The following PRR5 variants were observed in gnomAD, a reference collection of about 807,000 sequenced individuals.
The protein encoded by PRR5 is proline-rich protein 5.
In PRR5, 25 loss-of-function variants were observed where a neutral mutation model predicts 30.6. The ratio of observed to expected loss-of-function variants is 0.82; its 90% CI spans 0.60 to 1.14. PRR5 has a LOEUF of 1.14. Among genes scored for constraint, PRR5 ranks in the 50% most tolerant of loss-of-function variants. The pLI, the probability that PRR5 is intolerant of heterozygous loss-of-function variation, is 0.00. For synonymous variants in PRR5, 286 were observed against 247.1 expected (o/e 1.16, Z -1.48); for missense variants, 600 against 547.1 (o/e 1.10, Z -0.96).
upstream of PRR5, among the ~76,000 whole-genome samples, chr22:44,699,973 T>C (rs1187418978): frequency 1.3e-5 from 2 of 152,050 alleles, no homozygotes; most frequent in African/African-American, 4.8e-5. Flanking sequence ...AATCCTTGTC[T>C]GGCCATGAAA....
intron 1 of PRR5, among the ~76,000 whole-genome samples, chr22:44,670,297 T>C (rs1008709095): frequency 6.6e-5 from 10 of 152,204 alleles, no homozygotes; most frequent in African/African-American, 2.4e-4. Flanking sequence ...GGACCTTTCC[T>C]GCCAAACAGT....
At chr22:44,702,673 C>T (rs1234100848) in intron 1 of PRR5, 65 bp downstream of exon 1, 89 of 1,245,096 alleles carry the variant, frequency 7.1e-5, no homozygotes, top group Non-Finnish European at 8.9e-5. Context: ...CCTGAGCCGT[C>T]CGCGGGCTAG....
intron 1 of PRR5, chr22:44,679,773 G>T (rs770422766): frequency 6.4e-7 from 1 of 1,569,750 alleles, no homozygotes; most frequent in South Asian, 1.2e-5. Context: ...AGTCTGATGG[G>T]GCAGGCTGGT....
intron 5 of PRR5, 37 bp from the exon 6 acceptor site, chr22:44,732,214 A>G: frequency 6.2e-7 from 1 of 1,605,638 alleles, no homozygotes; most frequent in Non-Finnish European, 8.5e-7. Context: ...GACGCATGTG[A>G]CCACAGCCGG....
chr22:44,682,154 G>C (rs552190228), intron 1 of PRR5, among the ~76,000 whole-genome samples: 1 of 152,346 alleles, frequency 6.6e-6, no homozygotes, highest in South Asian at 2.1e-4. Flanking sequence ...CTGCATGCTA[G>C]GGTCAAGGTT....
At chr22:44,730,363 C>T in intron 4 of PRR5, 1 of 984,832 alleles carries the variant, frequency 1.0e-6, no homozygotes, top group East Asian at 1.1e-4. Context: ...ACAGCAGAGG[C>T]CTTGGGGACA....
At chr22:44,725,719 C>G (rs1920932594) in intron 3 of PRR5, among the ~76,000 whole-genome samples, 1 of 152,134 alleles carries the variant, frequency 6.6e-6, no homozygotes, top group African/African-American at 2.4e-5. Context: ...GGCTGGAGTG[C>G]AGTGGCGCGA....
At chr22:44,718,568 A>C (rs1929460261) in intron 2 of PRR5, among the ~76,000 whole-genome samples, 1 of 152,062 alleles carries the variant, frequency 6.6e-6, no homozygotes, top group Non-Finnish European at 1.5e-5. Flanking sequence ...TATCTCTTTG[A>C]GGTACTCTTT....
At chr22:44,704,899 G>GGAGC (rs1926937106) in intron 1 of PRR5, among the ~76,000 whole-genome samples, 1 of 152,186 alleles carries the variant, frequency 6.6e-6, no homozygotes, top group Non-Finnish European at 1.5e-5. Context: ...GAAACTGCAG[G>GGAGC]GAGCAGGGCA....
At chr22:44,734,634 GC>G in intron 6 of PRR5, 1 of 187,412 alleles carries the variant, frequency 5.3e-6, no homozygotes, top group Non-Finnish European at 1.1e-5. Flanking sequence ...GGGGCAGGGA[GC>G]CCCAGGTGAG....
rs192935079 is a variant in PRR5, at chr22:44,680,242, G to A, written c.-11+3002G>A. Reference sequence around the variant, plus strand: ...GCTGTGCAACTTTTGACAGTTTGCTGTACCTCTCTGAGTCTCAGATACTTC... The same window carrying A: ...GCTGTGCAACTTTTGACAGTTTGCTATACCTCTCTGAGTCTCAGATACTTC... On this transcript the variant is annotated intron_variant, in intron 1 of 8. Transcript: ENST00000006251. Among the ~76,000 whole-genome samples the A allele has an allele frequency of 8.5e-5, 13 of 152,326 alleles. 1 individual carries two copies. Among genetic ancestry groups the A allele is most frequent in the African/African-American group, 2.9e-4 (12 of 41,576 alleles).
upstream of PRR5, among the ~76,000 whole-genome samples, chr22:44,697,298 C>T (rs752811086): frequency 1.4e-4 from 21 of 152,204 alleles, 1 homozygote; most frequent in Non-Finnish European, 2.8e-4. Flanking sequence ...TTCTGCCGTG[C>T]GACCACCCTG....
At chr22:44,725,158 C>T (rs943734500) in intron 2 of PRR5, 86 bp from the exon 3 acceptor site, 2 of 1,582,704 alleles carry the variant, frequency 1.3e-6, no homozygotes, top group African/African-American at 1.3e-5. Flanking sequence ...CTCCCCCTGC[C>T]CAGGAGGCCC....
chr22:44,729,489 C>T lies in PRR5; in HGVS notation c.323-2241C>T, dbSNP rs746262285. ...GGAGCCAAGGTACGGCGCGCACACACCCGGCCCCGTCCTGCCGGCAGCAAA... is the reference window on the plus strand; with the variant it reads ...GGAGCCAAGGTACGGCGCGCACACATCCGGCCCCGTCCTGCCGGCAGCAAA... On this transcript the variant is annotated intron_variant, in intron 4 of 7. Coordinates refer to ENST00000336985, the MANE Select transcript of PRR5 (RefSeq NM_181333.4). 4 of 985,600 alleles carry T rather than the reference C, an allele frequency of 4.1e-6. No individual in the cohort carries two copies. The South Asian group carries it at 1.4e-4, about 35-fold the overall frequency. The allele number at this position is 985,600 out of a possible 1,614,324, so 61.1% of individuals were successfully genotyped here. A position where few individuals can be genotyped will look rare whatever the true frequency, so the allele number is the denominator to read the frequency against.
At chr22:44,706,085 C>T (rs1464250410) in intron 1 of PRR5, among the ~76,000 whole-genome samples, 2 of 152,184 alleles carry the variant, frequency 1.3e-5, no homozygotes, top group African/African-American at 4.8e-5. Context: ...CAGGCATGAG[C>T]CACCACACCA....
At chr22:44,681,293 A>T (rs1924260180) in intron 1 of PRR5, among the ~76,000 whole-genome samples, 2 of 152,158 alleles carry the variant, frequency 1.3e-5, no homozygotes, top group African/African-American at 4.8e-5. Context: ...TGTTAGTTAA[A>T]AAAAAAGTTT....
intron 1 of PRR5, among the ~76,000 whole-genome samples, chr22:44,693,372 T>C (rs1925452327): frequency 6.6e-6 from 1 of 151,622 alleles, no homozygotes; most frequent in African/African-American, 2.4e-5. Context: ...TGTGGGAGGA[T>C]CGCCTGAGCC....
At chr22:44,725,153 C>A in intron 2 of PRR5, 91 bp from the exon 3 acceptor site, 1 of 1,576,396 alleles carries the variant, frequency 6.3e-7, no homozygotes, top group South Asian at 1.1e-5. Context: ...CTGATCTCCC[C>A]CTGCCCAGGA....
upstream of PRR5, among the ~76,000 whole-genome samples, chr22:44,697,926 G>A (rs1403507909): frequency 1.3e-5 from 2 of 152,220 alleles, no homozygotes; most frequent in Non-Finnish European, 2.9e-5. Context: ...CCCCAAACTG[G>A]CCCCTTCAGG....
Sources: gnomAD v4.1 joint callset for allele counts (sites outside exome capture counted in the v4.1 genomes callset) on GRCh38, gnomAD v4.1.1 for gene constraint, MANE v1.5 for transcripts, NCBI Gene and HGNC (gene_info 2026-07-23, HGNC 2026-07-21) for gene names.